The following DGKI variants were observed in gnomAD, a reference collection of about 807,000 sequenced individuals.
DGKI encodes diacylglycerol kinase iota, also known as DAG kinase iota.
A neutral mutation model predicts 147.5 loss-of-function variants in DGKI; 55 were observed. That is an observed-to-expected ratio of 0.37 (90% CI 0.30 to 0.47). The LOEUF (loss-of-function observed/expected upper bound fraction) is 0.47, where lower values mean the gene tolerates loss of function less well. Ranked by LOEUF, DGKI falls within the 20% of genes least tolerant of loss-of-function variation. DGKI has a pLI of 1.00. For missense variants in DGKI, 1,007 were observed against 1,323.8 expected (o/e 0.76, Z 3.71); for synonymous variants, 469 against 477.1 (o/e 0.98, Z 0.22).
At chr7:137,733,589 T>C (rs1441022908) in intron 1 of DGKI, among the ~76,000 whole-genome samples, 1 of 152,062 alleles carries the variant, frequency 6.6e-6, no homozygotes, top group African/African-American at 2.4e-5. Flanking sequence ...CAGCTATACA[T>C]CAGGTACTCT....
intron 3 of DGKI, among the ~76,000 whole-genome samples, chr7:137,659,341 A>T (rs2116275364): frequency 6.6e-6 from 1 of 152,324 alleles, no homozygotes; most frequent in South Asian, 2.1e-4. Flanking sequence ...GTTTTAGCAA[A>T]TCGGAAATTT....
intron 30 of DGKI, among the ~76,000 whole-genome samples, chr7:137,401,599 A>T (rs1811764147): frequency 6.6e-6 from 1 of 152,164 alleles, no homozygotes; most frequent in Non-Finnish European, 1.5e-5. Flanking sequence ...GGCTTGTTTT[A>T]TATACACATA....
At chr7:137,493,667 CA>C (rs1360443979) in intron 21 of DGKI, 4 of 682,176 alleles carry the variant, frequency 5.9e-6, no homozygotes, top group South Asian at 4.7e-5. Context: ...AAACAAAAAC[CA>C]AAAAAACATC....
At position 137,846,780 on chromosome 7, in the gene DGKI, G is replaced by C. The variant is rs1003204845; in HGVS notation, c.83C>G (p.Ala28Gly). 9.2e-7 allele frequency: 1 copy of C among 1,081,388 alleles called. No individual in the cohort carries two copies. Among genetic ancestry groups the C allele is most frequent in the African/African-American group, 1.7e-5 (1 of 59,478 alleles). The allele number at this position is 1,081,388 out of a possible 1,614,324, so 67.0% of individuals were successfully genotyped here. The change falls in exon 1 of 33, where the codon GCC (alanine) becomes GGC (glycine). Residue 28 changes from alanine (A) to glycine (G), a missense_variant. Physicochemically the swap from Ala to Gly is moderately conservative, Grantham distance 60 (BLOSUM62 0). Coordinates refer to ENST00000614521, the MANE Select transcript of DGKI (RefSeq NM_001321708.2). The surrounding 1 kb of genome is among the most constrained non-coding windows in gnomAD (Gnocchi z 4.0). ...GGGGCCGGGCGGGCTGGCGGCGGCGGCGGCGGCGGCTGCAGGAGCGCGGGC... is the reference window on the plus strand; with the variant it reads ...GGGGCCGGGCGGGCTGGCGGCGGCGCCGGCGGCGGCTGCAGGAGCGCGGGC... ...GPARAPAAAAAAAASPPGPCS... is the reference protein window; with the variant it reads ...GPARAPAAAAGAAASPPGPCS...
At chr7:137,572,270 G>A (rs1172717311) in intron 18 of DGKI, among the ~76,000 whole-genome samples, 1 of 152,110 alleles carries the variant, frequency 6.6e-6, no homozygotes, top group East Asian at 1.9e-4. Context: ...CTCCTGAAGT[G>A]CGTAATAGCA....
At chr7:137,843,778 C>CACACACACAT (rs1317761291) in intron 1 of DGKI, among the ~76,000 whole-genome samples, 10 of 151,464 alleles carry the variant, frequency 6.6e-5, no homozygotes, top group African/African-American at 9.7e-5. Context: ...CACACACACA[C>CACACACACAT]ACACACACAC....
chr7:137,776,302 A>AT (rs1339619327), intron 1 of DGKI, among the ~76,000 whole-genome samples: 1 of 152,232 alleles, frequency 6.6e-6, no homozygotes, highest in Non-Finnish European at 1.5e-5. Flanking sequence ...CAAACAAAAG[A>AT]TTATACCCAT....
In DGKI at chr7:137,551,476, C is replaced by T. The variant is rs943676837; in HGVS notation, c.2147+893G>A. 9.9e-5 allele frequency among the ~76,000 whole-genome samples: 15 copies of T among 152,244 alleles called. No homozygotes were observed. The South Asian group carries it at 1.9e-3, about 19-fold the overall frequency. ...GTAACCATGCATTACAGGCCACAAA[C>T]GGGAGGAGCACCTTTGAGAGTCCCT... On this transcript the variant is annotated intron_variant, in intron 20 of 32. Coordinates refer to ENST00000614521, the MANE Select transcript of DGKI (RefSeq NM_001321708.2).
At chr7:137,551,528 T>C (rs1191910106) in intron 20 of DGKI, among the ~76,000 whole-genome samples, 2 of 152,132 alleles carry the variant, frequency 1.3e-5, no homozygotes, top group Non-Finnish European at 2.9e-5. Flanking sequence ...GACAAAAGGC[T>C]AAGTCCTGAA....
At position 137,609,588 on chromosome 7, in the gene DGKI, G is replaced by T. The variant is rs767223112; in HGVS notation, c.1015C>A (p.Arg339=). Residue 339 remains arginine, a synonymous_variant, in exon 9 of 33, where the codon CGG becomes AGG. Transcript: ENST00000614521. ...TTAAAGCTTGTTCTCTTCTTCTTCC[G>T]ATTTGAAGCCTTCAGGGAGTTCTGT... ...KPQNSLKASN[R]KKKRTSFKRK... 1.9e-6 allele frequency: 3 copies of T among 1,613,002 alleles called. No homozygotes were observed. The African/African-American group carries it at 4.0e-5, about 22-fold the overall frequency.
At chr7:137,663,689 G>A (rs1277132370) in intron 3 of DGKI, among the ~76,000 whole-genome samples, 1 of 152,158 alleles carries the variant, frequency 6.6e-6, no homozygotes, top group Non-Finnish European at 1.5e-5. Flanking sequence ...AGAAGCCAGA[G>A]GAGCTGTCTA....
intron 3 of DGKI, among the ~76,000 whole-genome samples, chr7:137,668,892 C>T (rs2116336704): frequency 6.6e-6 from 1 of 152,306 alleles, no homozygotes; most frequent in South Asian, 2.1e-4. Context: ...GGCTCTGTTT[C>T]TTGGAACCAC....
intron 1 of DGKI, among the ~76,000 whole-genome samples, chr7:137,691,456 A>T (rs997805376): frequency 6.6e-6 from 1 of 152,182 alleles, no homozygotes; most frequent in African/African-American, 2.4e-5. Flanking sequence ...AAAGCTCCAG[A>T]CAGTGGAATG....
At chr7:137,394,640 G>A (rs1247360205) in intron 32 of DGKI, among the ~76,000 whole-genome samples, 1 of 152,164 alleles carries the variant, frequency 6.6e-6, no homozygotes, top group Non-Finnish European at 1.5e-5. Flanking sequence ...ATGCTATCAA[G>A]GTTGGCATAC....
intron 28 of DGKI, 146 bp from the exon 29 acceptor site, chr7:137,412,353 GC>G (rs2128901361): frequency 1.3e-6 from 1 of 746,548 alleles, no homozygotes; most frequent in East Asian, 2.7e-5. Flanking sequence ...GCAGACCGAG[GC>G]CCCCTCTTTA....
intron 1 of DGKI, among the ~76,000 whole-genome samples, chr7:137,716,229 A>G (rs1794372374): frequency 6.6e-6 from 1 of 152,214 alleles, no homozygotes; most frequent in Non-Finnish European, 1.5e-5. Flanking sequence ...ACATTCTTAC[A>G]ACTGTCTTAT....
At chr7:137,439,328 C>T (rs1813401928) in intron 28 of DGKI, among the ~76,000 whole-genome samples, 1 of 152,136 alleles carries the variant, frequency 6.6e-6, no homozygotes, top group Non-Finnish European at 1.5e-5. Context: ...AAGACATACT[C>T]AAGACTGCAT....
At chr7:137,638,466 G>GTGTA (rs1554446391) in intron 6 of DGKI, among the ~76,000 whole-genome samples, 60 of 24,572 alleles carry the variant, frequency 2.4e-3, no homozygotes, top group African/African-American at 5.7e-3. Flanking sequence ...ATATATGTGT[G>GTGTA]TATATATGTG....
At chr7:137,712,701 G>T (rs923568220) in intron 1 of DGKI, among the ~76,000 whole-genome samples, 5 of 152,172 alleles carry the variant, frequency 3.3e-5, no homozygotes, top group African/African-American at 1.2e-4. Context: ...GATTCTGAAT[G>T]TTAATAGTCG....
Sources: allele counts gnomAD v4.1 joint callset (sites outside exome capture counted in the v4.1 genomes callset), GRCh38; gene constraint gnomAD v4.1.1; non-coding constraint Gnocchi (gnomAD v3.1); transcripts MANE v1.5; gene names NCBI Gene and HGNC (gene_info 2026-07-23, HGNC 2026-07-21).